WDR27: variants seen among roughly 807,000 people sequenced by gnomAD.
The protein encoded by WDR27 is WD repeat-containing protein 27.
WDR27 carries 100 observed loss-of-function variants against 114.4 expected under a neutral mutation model. The ratio of observed to expected loss-of-function variants is 0.87; its 90% CI spans 0.74 to 1.03. The LOEUF (loss-of-function observed/expected upper bound fraction) is 1.03, where lower values mean the gene tolerates loss of function less well. Ranked by LOEUF, WDR27 falls within the 50% of genes least tolerant of loss-of-function variation. The probability of loss-of-function intolerance (pLI) is 0.00; values close to 1 mark genes in which losing one functional copy is unlikely to be tolerated. For synonymous variants in WDR27, 449 were observed against 423.1 expected, an observed-to-expected ratio of 1.06 and a Z score of -0.75; for missense variants, 1,129 against 1,092.9, an observed-to-expected ratio of 1.03 and a Z score of -0.47.
At chr6:169,547,766 A>C (rs1425829701) in intron 25 of WDR27, among the ~76,000 whole-genome samples, 2 of 152,174 alleles carry the variant, frequency 1.3e-5, no homozygotes, top group Non-Finnish European at 2.9e-5. Context: ...ATCCCCTTTC[A>C]CTGCTGCTTT....
intron 24 of WDR27, among the ~76,000 whole-genome samples, chr6:169,579,780 G>A (rs1018209603): frequency 1.3e-5 from 2 of 152,280 alleles, no homozygotes; most frequent in African/African-American, 4.8e-5. Flanking sequence ...CGTGCTGTTC[G>A]GGGCCACTCT....
intron 13 of WDR27, among the ~76,000 whole-genome samples, chr6:169,657,143 G>A (rs776442803): frequency 3.9e-4 from 59 of 152,188 alleles, no homozygotes; most frequent in Non-Finnish European, 2.2e-4. Flanking sequence ...ATGGCAGGAC[G>A]AACAAGCAAA....
Position 169,547,181 on chromosome 6 carries a change from A to G in WDR27, c.2645+25238T>C, listed in dbSNP as rs201956152. On this transcript the variant is annotated intron_variant, in intron 25 of 25. Coordinates refer to ENST00000448612, the MANE Select transcript of WDR27 (RefSeq NM_182552.5). ...TCCAAAATTGAATCAATAATTAATA[A>G]CTTCTCAAACCAGAAATCACTAGGC... 2.0e-5 allele frequency among the ~76,000 whole-genome samples: 3 copies of G among 152,284 alleles called. No homozygotes were observed. The East Asian group carries it at 5.8e-4, about 29-fold the overall frequency.
chr6:169,529,131 A>T (rs1795278015), intron 25 of WDR27, among the ~76,000 whole-genome samples: 1 of 152,242 alleles, frequency 6.6e-6, no homozygotes, highest in Non-Finnish European at 1.5e-5. Flanking sequence ...CCCACATAAA[A>T]GAATTATATG....
chr6:169,595,104 C>T (rs1195709674), intron 23 of WDR27, among the ~76,000 whole-genome samples: 1 of 152,158 alleles, frequency 6.6e-6, no homozygotes, highest in East Asian at 1.9e-4. Flanking sequence ...AGTTCAAGCT[C>T]ATAGTAAGCC....
At chr6:169,533,287 T>A (rs967822170) in intron 25 of WDR27, among the ~76,000 whole-genome samples, 1 of 150,764 alleles carries the variant, frequency 6.6e-6, no homozygotes, top group South Asian at 2.1e-4. Context: ...GTAAATGGCT[T>A]TGCAGGAAAA....
intron 5 of WDR27, chr6:169,667,416 T>A (rs781038260): frequency 8.2e-7 from 1 of 1,225,648 alleles, no homozygotes; most frequent in Admixed American, 4.4e-5. Flanking sequence ...CCTGGTGGAT[T>A]TGAAGAATTG....
chr6:169,672,172 C>A (rs934088105), intron 3 of WDR27, 83 bp downstream of exon 3: 5 of 1,429,732 alleles, frequency 3.5e-6, no homozygotes, highest in Non-Finnish European at 4.8e-6. Context: ...AAGGGAAACA[C>A]CCCTTGGGTG....
At chr6:169,632,065 G>A (rs1195263589) in intron 21 of WDR27, among the ~76,000 whole-genome samples, 1 of 151,796 alleles carries the variant, frequency 6.6e-6, no homozygotes, top group Non-Finnish European at 1.5e-5. Flanking sequence ...GCTCATGCCT[G>A]TAATCCCAGC....
intron 25 of WDR27, among the ~76,000 whole-genome samples, chr6:169,515,926 A>G (rs1195629847): frequency 1.3e-5 from 2 of 152,026 alleles, no homozygotes; most frequent in Non-Finnish European, 2.9e-5. Flanking sequence ...TTCAAATTAT[A>G]AAGATCTTAA....
chr6:169,632,423 C>A (rs1816654788), intron 21 of WDR27, among the ~76,000 whole-genome samples: 1 of 152,160 alleles, frequency 6.6e-6, no homozygotes, highest in Non-Finnish European at 1.5e-5. Context: ...GACTTAGAGG[C>A]CCTCTTGGGT....
In WDR27 at chr6:169,582,873, G is replaced by A. The variant is rs547398806; in HGVS notation, c.2486C>T (p.Thr829Ile). Residue 829 changes from threonine to isoleucine, a missense_variant, in exon 24 of 26, where the codon ACT (threonine) becomes ATT (isoleucine). Thr to Ile is a moderately conservative substitution (Grantham distance 89). Coordinates refer to ENST00000448612, the MANE Select transcript of WDR27 (RefSeq NM_182552.5). ...FSHRLAGHTDTVTGVAFNPSA... is the reference protein window; with the variant it reads ...FSHRLAGHTDIVTGVAFNPSA... ...TGGGTTGAAGGCCACTCCAGTGACA[G>A]TGTCTGTGTGCCCAGCCAGCCGGTG... The A allele has an allele frequency of 4.3e-6, 7 of 1,613,840 alleles. No individual in the cohort carries two copies. The highest frequency in any genetic ancestry group is 2.2e-5 in the East Asian group (1 of 44,882).
intron 23 of WDR27, among the ~76,000 whole-genome samples, chr6:169,585,606 T>G (rs1342694764): frequency 6.6e-6 from 1 of 152,170 alleles, no homozygotes; most frequent in Non-Finnish European, 1.5e-5. Flanking sequence ...ACCATATATT[T>G]CATATGCTAT....
At chr6:169,637,179 T>C (rs545474329) in intron 18 of WDR27, among the ~76,000 whole-genome samples, 2 of 152,312 alleles carry the variant, frequency 1.3e-5, no homozygotes, top group African/African-American at 4.8e-5. Flanking sequence ...ATCATCTTCC[T>C]GTCTCTCCTT....
chr6:169,621,915 T>A (rs1027545219), intron 21 of WDR27, among the ~76,000 whole-genome samples: 7 of 152,098 alleles, frequency 4.6e-5, no homozygotes, highest in African/African-American at 1.7e-4. Context: ...TGCACACATA[T>A]ACACACTGTG....
chr6:169,687,404 C>T (rs1267842249), intron 2 of WDR27, among the ~76,000 whole-genome samples: 1 of 151,706 alleles, frequency 6.6e-6, no homozygotes, highest in Non-Finnish European at 1.5e-5. Context: ...GACAGATAAT[C>T]CAATAGAAAA....
intron 25 of WDR27, chr6:169,559,699 G>C (rs528524714): frequency 4.6e-5 from 7 of 152,188 alleles, no homozygotes; most frequent in Non-Finnish European, 1.0e-4. Flanking sequence ...GAAAGGCTCC[G>C]TACAGCTCAC....
chr6:169,508,039 T>C (rs1002842588), intron 25 of WDR27, among the ~76,000 whole-genome samples: 6 of 152,188 alleles, frequency 3.9e-5, no homozygotes, highest in Non-Finnish European at 7.3e-5. Context: ...TGCCATGCTT[T>C]TAGGGCACAG....
chr6:169,551,749 A>G (rs1562569035), intron 25 of WDR27, among the ~76,000 whole-genome samples: 1 of 144,716 alleles, frequency 6.9e-6, no homozygotes, highest in African/African-American at 2.5e-5. Flanking sequence ...AAAAAAAAAA[A>G]AAAAAAGAAA....
Sources: gnomAD v4.1 joint callset for allele counts (sites outside exome capture counted in the v4.1 genomes callset) on GRCh38, gnomAD v4.1.1 for gene constraint, MANE v1.5 for transcripts, NCBI Gene and HGNC (gene_info 2026-07-23, HGNC 2026-07-21) for gene names.